Variants in NCEH1 observed in about 807,000 individuals in gnomAD.
NCEH1 encodes neutral cholesterol ester hydrolase 1.
In NCEH1, 9 loss-of-function variants were observed where a neutral mutation model predicts 25.4. That is an observed-to-expected ratio of 0.35 (90% CI 0.21 to 0.62). NCEH1 has a LOEUF of 0.62. Among genes scored for constraint, NCEH1 ranks in the 20% least tolerant of loss-of-function variants. The pLI is 0.72. For synonymous variants in NCEH1, 200 were observed against 199.8 expected, an observed-to-expected ratio of 1.00 and a Z score of -0.01; for missense variants, 412 against 501.1, an observed-to-expected ratio of 0.82 and a Z score of 1.70.
At chr3:172,688,164 G>A (rs564967503) in intron 1 of NCEH1, among the ~76,000 whole-genome samples, 2 of 151,888 alleles carry the variant, frequency 1.3e-5, no homozygotes, top group East Asian at 1.9e-4. Flanking sequence ...GTGAAACCCC[G>A]TCTCTACTAA....
chr3:172,634,074 G>A lies in NCEH1; in HGVS notation c.628C>T (p.Leu210=). 1 of 1,613,266 alleles carries A rather than the reference G, an allele frequency of 6.2e-7. No homozygotes were observed. Among genetic ancestry groups the A allele is most frequent in the Non-Finnish European group, 8.5e-7 (1 of 1,179,710 alleles). ...LGQQFTQDAS[L]KNKLKLQALI... ...GCTTGTAGTTTGAGCTTATTTTTTA[G>A]GCTGGCATCTTGAGTAAACTAGAGA... is the stretch of plus-strand genomic sequence containing the variant. The change falls in exon 5 of 5, where the codon CTA becomes TTA. Residue 210 remains leucine (L), a synonymous_variant. Coordinates refer to ENST00000475381, the MANE Select transcript of NCEH1 (RefSeq NM_020792.6).
In NCEH1 at chr3:172,632,483, CAT is replaced by C. The variant is rs1018260284; in HGVS notation, c.*990_*991del. 4.6e-5 allele frequency: 7 copies of C among 152,454 alleles called. No individual in the cohort carries two copies. Among genetic ancestry groups the C allele is most frequent in the Non-Finnish European group, 8.8e-5 (6 of 67,968 alleles). The allele number at this position is 152,454 out of a possible 1,614,324, so 9.4% of individuals were successfully genotyped here. On this transcript the variant is annotated 3_prime_UTR_variant, in exon 5 of 5. Transcript: ENST00000475381. ...TAGCAAAATAGCTCCATTTTAAAGC[CAT>C]ATAAGTGAAAAAATTGAGTTTTCAA...
intron 1 of NCEH1, among the ~76,000 whole-genome samples, chr3:172,692,117 A>G (rs1560205958): frequency 6.6e-6 from 1 of 152,192 alleles, no homozygotes; most frequent in Non-Finnish European, 1.5e-5. Context: ...CCAATAAGGC[A>G]TCATAGCTGC....
chr3:172,633,804 A>G lies in NCEH1; in HGVS notation c.898T>C (p.Tyr300His), dbSNP rs768952548. 1.4e-5 allele frequency: 23 copies of G among 1,614,202 alleles called. No homozygotes were observed. The highest frequency in any genetic ancestry group is 1.9e-5 in the Non-Finnish European group (23 of 1,180,036). ...CCTGTGGTCTGTACAACAGGCTTGTAGTTCTTTGTGAAGGATGCAGGCAAG... is the reference window on the plus strand; with the variant it reads ...CCTGTGGTCTGTACAACAGGCTTGTGGTTCTTTGTGAAGGATGCAGGCAAG... The part of the protein sequence containing the change: ...SLLPASFTKN[Y>H]KPVVQTTGNA... Residue 300 changes from tyrosine (Y) to histidine (H), a missense_variant, in exon 5 of 5, where the codon TAC becomes CAC. Coordinates refer to ENST00000475381, the MANE Select transcript of NCEH1 (RefSeq NM_020792.6).
intron 1 of NCEH1, among the ~76,000 whole-genome samples, chr3:172,701,982 C>T (rs974052717): frequency 1.3e-5 from 2 of 152,180 alleles, no homozygotes; most frequent in African/African-American, 4.8e-5. Context: ...AGTTCCTCAG[C>T]TACACCATCC....
At chr3:172,707,254 T>A (rs1714055221) in intron 1 of NCEH1, among the ~76,000 whole-genome samples, 2 of 152,234 alleles carry the variant, frequency 1.3e-5, no homozygotes, top group African/African-American at 4.8e-5. Flanking sequence ...TCTAGTCTCC[T>A]GCTGCCTGAT....
intron 1 of NCEH1, among the ~76,000 whole-genome samples, chr3:172,709,577 C>T (rs554953146): frequency 1.3e-5 from 2 of 152,190 alleles, no homozygotes; most frequent in African/African-American, 4.8e-5. Context: ...ACAAAAGGGG[C>T]TTTGGAGGTG....
chr3:172,650,812 G>GAAAA (rs768170518), intron 1 of NCEH1, among the ~76,000 whole-genome samples: 28 of 35,894 alleles, frequency 7.8e-4, no homozygotes, highest in South Asian at 1.2e-3. Context: ...ACTCTGCCTC[G>GAAAA]AAAAAAAAAA....
At chr3:172,640,489 C>T (rs1202527327) in intron 3 of NCEH1, among the ~76,000 whole-genome samples, 2 of 151,940 alleles carry the variant, frequency 1.3e-5, no homozygotes, top group African/African-American at 4.8e-5. Context: ...TCTTCCCTGC[C>T]CCCTTTATTT....
intron 1 of NCEH1, among the ~76,000 whole-genome samples, chr3:172,670,594 ACT>A (rs984652050): frequency 1.9e-4 from 29 of 152,188 alleles, no homozygotes; most frequent in African/African-American, 5.8e-4. Flanking sequence ...CAGTAATCAC[ACT>A]CTTGCTTAAC....
chr3:172,697,201 T>G (rs1225974698), intron 1 of NCEH1, among the ~76,000 whole-genome samples: 2 of 151,720 alleles, frequency 1.3e-5, no homozygotes, highest in Non-Finnish European at 2.9e-5. Flanking sequence ...AGTGCTAGGG[T>G]AACGGGCGTG....
rs375956973 is a variant in NCEH1 at position 172,632,227 on chromosome 3, A to G, written c.*1248T>C. The G allele has an allele frequency of 2.0e-5, 3 of 152,256 alleles. No individual in the cohort carries two copies. The East Asian group carries it at 5.8e-4, about 29-fold the overall frequency. The allele number at this position is 152,256 out of a possible 1,614,324, so 9.4% of individuals were successfully genotyped here. Reference sequence around the variant, plus strand: ...ATTATTTTAACTTGTATATGCATATAAACACGAAAATATTTATGCCTATGT... The same window carrying G: ...ATTATTTTAACTTGTATATGCATATGAACACGAAAATATTTATGCCTATGT... On this transcript the variant is annotated 3_prime_UTR_variant, in exon 5 of 5. Coordinates refer to ENST00000475381, the MANE Select transcript of NCEH1 (RefSeq NM_020792.6).
At chr3:172,690,424 G>A (rs374495501) in intron 1 of NCEH1, among the ~76,000 whole-genome samples, 1 of 152,084 alleles carries the variant, frequency 6.6e-6, no homozygotes, top group Non-Finnish European at 1.5e-5. Flanking sequence ...TAAAAAAATC[G>A]ATTACAATTG....
chr3:172,653,760 GTTTT>G (rs780425751), intron 1 of NCEH1, among the ~76,000 whole-genome samples: 4 of 54,426 alleles, frequency 7.3e-5, no homozygotes, highest in African/African-American at 1.1e-4. Context: ...TTGTTTTTTT[GTTTT>G]TTTTTTTTTT....
intron 1 of NCEH1, among the ~76,000 whole-genome samples, chr3:172,668,939 C>A (rs879261666): frequency 6.6e-6 from 1 of 151,924 alleles, no homozygotes; most frequent in African/African-American, 2.4e-5. Context: ...AAAAACATAG[C>A]GACTCCTGTA....
chr3:172,677,730 CA>C (rs1192941814), intron 1 of NCEH1, among the ~76,000 whole-genome samples: 1 of 152,204 alleles, frequency 6.6e-6, no homozygotes, highest in African/African-American at 2.4e-5. Flanking sequence ...AGATTGAGAC[CA>C]TCCTGGCTAA....
chr3:172,640,674 A>AT (rs1194127237), intron 3 of NCEH1, among the ~76,000 whole-genome samples: 3 of 151,982 alleles, frequency 2.0e-5, no homozygotes, highest in Non-Finnish European at 2.9e-5. Context: ...CACCTGGCTA[A>AT]TTTTTTGTAT....
intron 1 of NCEH1, among the ~76,000 whole-genome samples, chr3:172,689,827 T>C (rs1475269017): frequency 2.0e-5 from 3 of 151,880 alleles, no homozygotes; most frequent in South Asian, 2.1e-4. Flanking sequence ...TTGTAGCCAC[T>C]TGCCAGCTGT....
chr3:172,679,083 G>A (rs959952473), intron 1 of NCEH1, among the ~76,000 whole-genome samples: 18 of 152,146 alleles, frequency 1.2e-4, no homozygotes, highest in African/African-American at 3.6e-4. Flanking sequence ...CGACTGGCTA[G>A]CAACTTAGAA....
Sources: gnomAD v4.1 joint callset for allele counts (sites outside exome capture counted in the v4.1 genomes callset) on GRCh38, gnomAD v4.1.1 for gene constraint, MANE v1.5 for transcripts, NCBI Gene and HGNC (gene_info 2026-07-23, HGNC 2026-07-21) for gene names.